COL5A1: variants seen among roughly 807,000 people sequenced by gnomAD.
COL5A1 encodes collagen alpha-1(V) chain.
A neutral mutation model predicts 263.7 loss-of-function variants in COL5A1; 16 were observed. That is an observed-to-expected ratio of 0.06 (90% CI 0.04 to 0.09). The LOEUF (loss-of-function observed/expected upper bound fraction) is 0.09, where lower values mean the gene tolerates loss of function less well. Ranked by LOEUF, COL5A1 falls within the 10% of genes least tolerant of loss-of-function variation. The probability of loss-of-function intolerance (pLI) is 1.00; values close to 1 mark genes in which losing one functional copy is unlikely to be tolerated. For synonymous variants in COL5A1, 1,012 were observed against 1,004.5 expected, an observed-to-expected ratio of 1.01 and a Z score of -0.14; for missense variants, 2,036 against 2,540.5, an observed-to-expected ratio of 0.80 and a Z score of 4.27.
At chr9:134,840,271 C>G (rs1839982061) in intron 65 of COL5A1, among the ~76,000 whole-genome samples, 1 of 152,184 alleles carries the variant, frequency 6.6e-6, no homozygotes, top group African/African-American at 2.4e-5. Flanking sequence ...GCTGCAGTAA[C>G]AGAAAGGTGT....
At chr9:134,824,235 G>C (rs2132882273) in intron 61 of COL5A1, among the ~76,000 whole-genome samples, 1 of 152,220 alleles carries the variant, frequency 6.6e-6, no homozygotes, top group East Asian at 1.9e-4. Context: ...TTCAGCCCCA[G>C]CTAGGGCTGC....
chr9:134,822,242 G>T, intron 59 of COL5A1, 92 bp downstream of exon 59: 1 of 1,143,454 alleles, frequency 8.7e-7, no homozygotes, highest in South Asian at 1.3e-5. Flanking sequence ...GAGAATTGTG[G>T]AAAAGTCACA....
intron 4 of COL5A1, among the ~76,000 whole-genome samples, chr9:134,727,047 G>A (rs997919182): frequency 1.5e-5 from 1 of 67,942 alleles, no homozygotes; most frequent in Non-Finnish European, 3.2e-5. Flanking sequence ...ATGAGTGAAC[G>A]GATGGATGGA....
chr9:134,734,437 T>C (rs920015825), intron 9 of COL5A1, among the ~76,000 whole-genome samples: 2 of 152,212 alleles, frequency 1.3e-5, no homozygotes, highest in African/African-American at 4.8e-5. Context: ...ACATAAACAG[T>C]TGGAATTTCT....
chr9:134,773,767 G>A (rs1443150485), intron 26 of COL5A1, among the ~76,000 whole-genome samples: 2 of 152,212 alleles, frequency 1.3e-5, no homozygotes, highest in East Asian at 1.9e-4. Flanking sequence ...TCCAGTGCCA[G>A]GCCTGCTGGG....
Position 134,802,970 on chromosome 9 carries a change from G to A in COL5A1, c.3089G>A (p.Gly1030Asp). 1 of 1,608,050 alleles carries A rather than the reference G, an allele frequency of 6.2e-7. No individual in the cohort carries two copies. The highest frequency in any genetic ancestry group is 8.5e-7 in the Non-Finnish European group (1 of 1,177,866). The change falls in exon 39 of 66, where the codon GGC (glycine) becomes GAC (aspartate). Residue 1030 changes from glycine to aspartate, a missense_variant. This residue lies in a region of COL5A1 where 1,078 missense variants were observed against 1,521.4 expected (regional missense o/e 0.71). Transcript: ENST00000371817. ...CCCCCCGGTGAACAGGGGCTTCCGG[G>A]CCTTGCTGGAAAAGAAGGGACGAAG... ...PGPPGEQGLP[G>D]LAGKEGTKGD...
At chr9:134,760,810 ACCCC>A in intron 18 of COL5A1, among the ~76,000 whole-genome samples, 1 of 139,712 alleles carries the variant, frequency 7.2e-6, no homozygotes, top group African/African-American at 2.8e-5. Context: ...ACCCTGACAC[ACCCC>A]CACATGCATA....
chr9:134,809,343 T>G lies in COL5A1; in HGVS notation c.3474+53T>G, dbSNP rs1372324847. 9 of 1,364,526 alleles carry G rather than the reference T, an allele frequency of 6.6e-6. 1 individual carries two copies. The South Asian group carries it at 1.1e-4, about 17-fold the overall frequency. The allele number at this position is 1,364,526 out of a possible 1,614,324, so 84.5% of individuals were successfully genotyped here. On this transcript the variant is annotated intron_variant, in intron 43 of 65. Coordinates refer to ENST00000371817, the MANE Select transcript of COL5A1 (RefSeq NM_000093.5). ...CTGGGCCTGGCTGGGCAGACGGGTG[T>G]GGGGGAGGGTGGTGAATTTAAAGGA... is the stretch of plus-strand genomic sequence containing the variant.
At chr9:134,812,969 G>A (rs1838596110) in intron 48 of COL5A1, among the ~76,000 whole-genome samples, 1 of 152,062 alleles carries the variant, frequency 6.6e-6, no homozygotes, top group Admixed American at 6.5e-5. Context: ...AACTCTGACT[G>A]TCCATTTGTG....
chr9:134,727,174 T>C, intron 4 of COL5A1, 92 bp from the exon 5 acceptor site: 5 of 1,386,106 alleles, frequency 3.6e-6, no homozygotes, highest in Non-Finnish European at 5.1e-6. Flanking sequence ...GGTCTGGACT[T>C]TCCCCTGCTT....
At chr9:134,800,136 T>C (rs959455230) in intron 37 of COL5A1, among the ~76,000 whole-genome samples, 24 of 152,358 alleles carry the variant, frequency 1.6e-4, no homozygotes, top group Admixed American at 9.8e-4. Flanking sequence ...TTCTCCTAAA[T>C]GTGAGCCAGA....
At chr9:134,786,108 C>T in intron 31 of COL5A1, 60 bp downstream of exon 31, 1 of 1,454,630 alleles carries the variant, frequency 6.9e-7, no homozygotes, top group Non-Finnish European at 9.5e-7. Context: ...GCCCGGTCTC[C>T]CCACCCTGCA....
chr9:134,760,539 C>T (rs1836345609), intron 18 of COL5A1, among the ~76,000 whole-genome samples: 1 of 131,538 alleles, frequency 7.6e-6, no homozygotes, highest in South Asian at 2.8e-4. Flanking sequence ...CACACTCATA[C>T]ACCCACACAC....
rs142579730 is a variant in COL5A1, at chr9:134,722,770, T to G, written c.655-4496T>G. 3.4e-3 allele frequency among the ~76,000 whole-genome samples: 520 copies of G among 152,256 alleles called. 1 individual carries two copies. Among genetic ancestry groups the G allele is most frequent in the African/African-American group, 0.012 (486 of 41,534 alleles). ...CTGTTCCTCCTTGTCTGCTGGAGAA[T>G]TTGAAACATGGGCCAGGAGCCTCTG... On this transcript the variant is annotated intron_variant, in intron 4 of 65. Transcript: ENST00000371817.
intron 16 of COL5A1, 150 bp from the exon 17 acceptor site, chr9:134,756,615 C>T: frequency 1.2e-6 from 1 of 837,730 alleles, no homozygotes; most frequent in Admixed American, 1.9e-5. Flanking sequence ...GATCTGGGTC[C>T]TCGCAGCAGC....
chr9:134,778,394 C>T (rs1411831666), intron 27 of COL5A1, among the ~76,000 whole-genome samples: 2 of 152,242 alleles, frequency 1.3e-5, no homozygotes, highest in African/African-American at 4.8e-5. Flanking sequence ...TGAGCCTCCT[C>T]GCGGCTTGGC....
chr9:134,782,521 C>G (rs779475480), intron 28 of COL5A1, 146 bp from the exon 29 acceptor site: 1 of 795,326 alleles, frequency 1.3e-6, no homozygotes, highest in South Asian at 1.4e-5. Flanking sequence ...GAGGGATGGG[C>G]CCCAAGCCCA....
chr9:134,753,565 G>A (rs774187436), intron 14 of COL5A1, among the ~76,000 whole-genome samples: 8 of 152,196 alleles, frequency 5.3e-5, no homozygotes, highest in Non-Finnish European at 5.9e-5. Context: ...GGTTCACCCC[G>A]GAGAGAGAAA....
chr9:134,687,388 G>T (rs571066815), intron 1 of COL5A1, among the ~76,000 whole-genome samples: 1 of 152,128 alleles, frequency 6.6e-6, no homozygotes, highest in African/African-American at 2.4e-5. Context: ...CCAAGGCACA[G>T]CAGGACACCT....
Sources: gnomAD v4.1 joint callset for allele counts (sites outside exome capture counted in the v4.1 genomes callset) on GRCh38, gnomAD v4.1.1 for gene constraint, gnomAD v4.1.1 regional missense constraint, MANE v1.5 for transcripts, NCBI Gene and HGNC (gene_info 2026-07-23, HGNC 2026-07-21) for gene names.